Variants in TMC3 observed in about 807,000 individuals in gnomAD.
The protein encoded by TMC3 is transmembrane channel like 3.
A neutral mutation model predicts 110.6 loss-of-function variants in TMC3; 98 were observed. The observed-to-expected ratio is 0.89, with a 90% CI of 0.75 to 1.05. The LOEUF is 1.05. Among genes scored for constraint, TMC3 ranks in the 50% least tolerant of loss-of-function variants. The pLI is 0.00. For missense variants in TMC3, 1,319 were observed against 1,373.2 expected (o/e 0.96, Z 0.62); for synonymous variants, 489 against 513.1 (o/e 0.95, Z 0.63).
chr15:81,359,757 T>TA (rs907174928), intron 4 of TMC3, among the ~76,000 whole-genome samples: 19 of 152,362 alleles, frequency 1.2e-4, no homozygotes, highest in African/African-American at 4.3e-4. Flanking sequence ...TTATCAAATT[T>TA]ACAATATTTC....
At chr15:81,368,218 C>T (rs749550382) in intron 3 of TMC3, 35 bp downstream of exon 3, 2 of 1,550,812 alleles carry the variant, frequency 1.3e-6, no homozygotes, top group Non-Finnish European at 8.9e-7. Flanking sequence ...CAGGTGTGAG[C>T]CACCGCGCCC....
At position 81,331,905 on chromosome 15, in the gene TMC3, G is replaced by T. The variant is rs1276432177; in HGVS notation, c.*514C>A. 2.0e-5 allele frequency: 3 copies of T among 153,720 alleles called. No individual in the cohort carries two copies. Among genetic ancestry groups the T allele is most frequent in the Admixed American group, 6.5e-5 (1 of 15,460 alleles). 9.5% of individuals were successfully genotyped at this position (153,720 alleles called of 1,614,324 possible). A position where few individuals can be genotyped will look rare whatever the true frequency, so the allele number is the denominator to read the frequency against. ...GACAGCCCACCCCAAGGGAAGAAAGGGAAGAATCGTGGGGAGAAGCAACGC... is the reference window on the plus strand; with the variant it reads ...GACAGCCCACCCCAAGGGAAGAAAGTGAAGAATCGTGGGGAGAAGCAACGC... On this transcript the variant is annotated 3_prime_UTR_variant, in exon 22 of 22. Transcript: ENST00000359440.
At chr15:81,353,347 T>C (rs1893992606) in intron 9 of TMC3, among the ~76,000 whole-genome samples, 1 of 152,204 alleles carries the variant, frequency 6.6e-6, no homozygotes, top group South Asian at 2.1e-4. Flanking sequence ...ATAAATATAG[T>C]GAGGCCTAAA....
chr15:81,336,592 G>C lies in TMC3; in HGVS notation c.2203+17C>G. The stretch of plus-strand genomic sequence containing the variant: ...CAAAACAAAAAAACAACAACAAAAA[G>C]AAACGGAAATACTTACCTTCTACCA... On this transcript the variant is annotated intron_variant, in intron 20 of 21. Coordinates refer to ENST00000359440, the MANE Select transcript of TMC3 (RefSeq NM_001080532.3). 1 of 1,613,082 alleles carries C rather than the reference G, an allele frequency of 6.2e-7. No individual in the cohort carries two copies.
intron 7 of TMC3, 29 bp from the exon 8 acceptor site, chr15:81,356,623 G>T (rs1894069553): frequency 6.4e-7 from 1 of 1,569,442 alleles, no homozygotes. Context: ...AACAGGTCTT[G>T]GGAGTCTCAG....
At chr15:81,341,277 G>T in intron 16 of TMC3, 113 bp downstream of exon 16, 3 of 1,178,162 alleles carry the variant, frequency 2.5e-6, no homozygotes, top group Admixed American at 3.0e-5. Flanking sequence ...GCAAGATTTT[G>T]ACAGGAAGAG....
Position 81,346,361 on chromosome 15 carries a change from T to C in TMC3, c.1272+4A>G. 6.2e-7 allele frequency: 1 copy of C among 1,613,374 alleles called. No individual in the cohort carries two copies. Among genetic ancestry groups the C allele is most frequent in the Non-Finnish European group, 8.5e-7 (1 of 1,179,616 alleles). On this transcript the variant is annotated splice_donor_region_variant and intron_variant, in intron 12 of 21. Coordinates refer to ENST00000359440, the MANE Select transcript of TMC3 (RefSeq NM_001080532.3). The stretch of plus-strand genomic sequence containing the variant: ...GCAGGCAACTATCTGGGATGGGCAC[T>C]CACCTCAATGCTCATGCTGTTAACT...
chr15:81,348,692 C>G (rs951810348), intron 11 of TMC3, among the ~76,000 whole-genome samples: 6 of 152,204 alleles, frequency 3.9e-5, no homozygotes, highest in Non-Finnish European at 8.8e-5. Context: ...GACTGTTCTT[C>G]TTGCGTCTGG....
In TMC3 at chr15:81,359,576, A is replaced by G. The variant is rs12907100; in HGVS notation, c.395-105T>C. The G allele has an allele frequency of 5.2e-3, 3,652 of 703,302 alleles. 16 individuals carry two copies. Among genetic ancestry groups the G allele is most frequent in the Middle Eastern group, 9.7e-3 (24 of 2,472 alleles). 43.6% of individuals were successfully genotyped at this position (703,302 alleles called of 1,614,324 possible). A position where few individuals can be genotyped will look rare whatever the true frequency, so the allele number is the denominator to read the frequency against. On this transcript the variant is annotated intron_variant, in intron 4 of 21. Transcript: ENST00000359440. ...TTTTTTTTACATCCACGGGACATAGAGTAAGAATGCCATTATTGTACCAAT... is the reference window on the plus strand; with the variant it reads ...TTTTTTTTACATCCACGGGACATAGGGTAAGAATGCCATTATTGTACCAAT...
chr15:81,362,109 G>T, intron 4 of TMC3, 111 bp downstream of exon 4: 1 of 887,570 alleles, frequency 1.1e-6, no homozygotes, highest in Non-Finnish European at 1.8e-6. Context: ...TCTGCTATGA[G>T]GGTGCCCTCA....
intron 21 of TMC3, among the ~76,000 whole-genome samples, chr15:81,334,118 G>A (rs1893538012): frequency 6.6e-6 from 1 of 152,044 alleles, no homozygotes. Flanking sequence ...GAGACAGGCA[G>A]ACAACTCCTT....
At position 81,351,722 on chromosome 15, in the gene TMC3, T is replaced by G. The variant is rs1171021634; in HGVS notation, c.1055A>C (p.Lys352Thr). ...DRSQKLEQSK[K>T]ELTLWEKNEV... ...ATTCTTTTCCCAAAGTGTCAGCTCC[T>G]TCTTCGACTGCTCCAGCTTCTGGGA... Residue 352 changes from lysine (K) to threonine (T), a missense_variant, in exon 10 of 22, where the codon AAG becomes ACG. By Grantham distance (78) the Lys-to-Thr change is moderately conservative. Transcript: ENST00000359440. 6.4e-7 allele frequency: 1 copy of G among 1,562,434 alleles called. No homozygotes were observed. The highest frequency in any genetic ancestry group is 8.7e-7 in the Non-Finnish European group (1 of 1,153,256).
intron 19 of TMC3, chr15:81,337,544 C>A: frequency 2.1e-6 from 1 of 486,006 alleles, no homozygotes; most frequent in Non-Finnish European, 3.8e-6. Context: ...CACAAAAGTA[C>A]CTGGCACACT....
At chr15:81,338,497 C>G (rs1056217245) in intron 18 of TMC3, among the ~76,000 whole-genome samples, 158 bp downstream of exon 18, 1 of 152,170 alleles carries the variant, frequency 6.6e-6, no homozygotes, top group African/African-American at 2.4e-5. Context: ...TCATGTGACT[C>G]TGGTGTGTGA....
At chr15:81,340,942 CTGTG>C in intron 16 of TMC3, among the ~76,000 whole-genome samples, 1 of 152,028 alleles carries the variant, frequency 6.6e-6, no homozygotes, top group East Asian at 1.9e-4. Flanking sequence ...GGAGCACATA[CTGTG>C]TGTGTGTGTG....
At chr15:81,355,546 C>T (rs190068697) in intron 9 of TMC3, among the ~76,000 whole-genome samples, 179 bp downstream of exon 9, 1 of 152,126 alleles carries the variant, frequency 6.6e-6, no homozygotes, top group East Asian at 1.9e-4. Flanking sequence ...AGGAGGAAGT[C>T]GTCCTAAATA....
chr15:81,349,589 G>C, intron 10 of TMC3, 22 bp from the exon 11 acceptor site: 1 of 1,401,066 alleles, frequency 7.1e-7, no homozygotes, highest in South Asian at 1.7e-5. Context: ...GCACATGCCA[G>C]AGCCAGACAT....
At chr15:81,351,977 C>G (rs1893962168) in intron 9 of TMC3, 136 bp from the exon 10 acceptor site, 1 of 969,918 alleles carries the variant, frequency 1.0e-6, no homozygotes, top group South Asian at 1.8e-5. Flanking sequence ...CAATGCACTT[C>G]CAGCCCACCC....
intron 9 of TMC3, 81 bp downstream of exon 9, chr15:81,355,644 T>C: frequency 1.1e-6 from 1 of 885,460 alleles, no homozygotes; most frequent in Non-Finnish European, 1.9e-6. Context: ...GAAAATAAGA[T>C]ATAGATGATC....
Sources: gnomAD v4.1 joint callset for allele counts (sites outside exome capture counted in the v4.1 genomes callset) on GRCh38, gnomAD v4.1.1 for gene constraint, MANE v1.5 for transcripts, NCBI Gene and HGNC (gene_info 2026-07-23, HGNC 2026-07-21) for gene names.